The following DAB1 variants were observed in gnomAD, a reference collection of about 807,000 sequenced individuals.
The protein encoded by DAB1 is disabled homolog 1.
DAB1 carries 15 observed loss-of-function variants against 64.6 expected under a neutral mutation model. The observed-to-expected ratio is 0.23, with a 90% confidence interval of 0.16 to 0.36. The LOEUF (loss-of-function observed/expected upper bound fraction) is 0.36, where lower values mean the gene tolerates loss of function less well. Ranked by LOEUF, DAB1 falls within the 10% of genes least tolerant of loss-of-function variation. DAB1 has a pLI of 1.00. For missense variants in DAB1, 596 were observed against 706.7 expected (o/e 0.84, Z 1.78); for synonymous variants, 235 against 251.9 (o/e 0.93, Z 0.64).
chr1:58,067,610 A>T (rs930584233), intron 5 of DAB1, among the ~76,000 whole-genome samples: 1 of 152,256 alleles, frequency 6.6e-6, no homozygotes, highest in Admixed American at 6.5e-5. Context: ...GAGTGAAGTA[A>T]CTGGTATCTA....
At chr1:57,832,668 T>C (rs1652640060) in intron 1 of DAB1, among the ~76,000 whole-genome samples, 1 of 152,206 alleles carries the variant, frequency 6.6e-6, no homozygotes, top group Admixed American at 6.5e-5. Flanking sequence ...GAAATGCAGA[T>C]GTGCAGTCAA....
At chr1:58,546,389 C>G (rs1488357428) in intron 1 of DAB1, among the ~76,000 whole-genome samples, 1 of 152,184 alleles carries the variant, frequency 6.6e-6, no homozygotes, top group Non-Finnish European at 1.5e-5. Flanking sequence ...AGGCGGCCCA[C>G]GAAAGTACTG....
chr1:57,706,934 C>T (rs1056212671), intron 6 of DAB1, among the ~76,000 whole-genome samples: 3 of 151,850 alleles, frequency 2.0e-5, no homozygotes, highest in Non-Finnish European at 4.4e-5. Flanking sequence ...ATTAGCCGGG[C>T]GTGGTGGCAG....
intron 5 of DAB1, among the ~76,000 whole-genome samples, chr1:57,928,347 T>C (rs899736858): frequency 2.4e-4 from 36 of 152,090 alleles, no homozygotes; most frequent in African/African-American, 8.2e-4. Context: ...GGTACAGAGA[T>C]TTCCCGTATA....
intron 7 of DAB1, among the ~76,000 whole-genome samples, chr1:57,587,825 A>G (rs1467698613): frequency 6.6e-6 from 1 of 152,218 alleles, no homozygotes; most frequent in Non-Finnish European, 1.5e-5. Context: ...AAAAAGACAG[A>G]CATCAGTCAT....
intron 4 of DAB1, among the ~76,000 whole-genome samples, chr1:58,260,396 C>T (rs1661023321): frequency 6.6e-6 from 1 of 152,194 alleles, no homozygotes; most frequent in Non-Finnish European, 1.5e-5. Context: ...CTTCCATGCA[C>T]AGAGAGGCCT....
intron 2 of DAB1, 41 bp downstream of exon 2, chr1:57,290,923 C>A: frequency 1.5e-6 from 2 of 1,320,338 alleles, no homozygotes; most frequent in Admixed American, 1.8e-5. Flanking sequence ...CATTCCTGTG[C>A]AGAAAAGTAG....
At position 57,621,197 on chromosome 1, in the gene DAB1, G is replaced by T. The variant is rs979101682; in HGVS notation, n.625+28395C>A. 2.0e-5 allele frequency among the ~76,000 whole-genome samples: 3 copies of T among 151,742 alleles called. No homozygotes were observed. The South Asian group carries it at 6.3e-4, about 32-fold the overall frequency. ...AGTGTGTGTGTGTGTATGTGTGTGTGCACATGCACGTGTGTGAGAGAATTC... is the reference window on the plus strand; with the variant it reads ...AGTGTGTGTGTGTGTATGTGTGTGTTCACATGCACGTGTGTGAGAGAATTC... On this transcript the variant is annotated intron_variant and non_coding_transcript_variant, in intron 7 of 20. Transcript: ENST00000485760.
intron 1 of DAB1, among the ~76,000 whole-genome samples, chr1:58,535,011 AT>A (rs2100484227): frequency 6.6e-6 from 1 of 152,294 alleles, no homozygotes; most frequent in Non-Finnish European, 1.5e-5. Flanking sequence ...AGAAAATTAA[AT>A]TCACAATGCA....
At chr1:58,081,771 T>C (rs1192994828) in intron 5 of DAB1, among the ~76,000 whole-genome samples, 1 of 152,232 alleles carries the variant, frequency 6.6e-6, no homozygotes, top group African/African-American at 2.4e-5. Flanking sequence ...CTCTACATTT[T>C]TGAGCCTTAG....
intron 9 of DAB1, among the ~76,000 whole-genome samples, chr1:57,060,946 T>A (rs756989517): frequency 6.6e-6 from 1 of 151,872 alleles, no homozygotes; most frequent in South Asian, 2.1e-4. Flanking sequence ...TCCTTACGTA[T>A]CTAAACCTGT....
chr1:58,274,986 G>A (rs1284317077), intron 4 of DAB1, among the ~76,000 whole-genome samples: 1 of 152,110 alleles, frequency 6.6e-6, no homozygotes, highest in Non-Finnish European at 1.5e-5. Context: ...CACGCTGGGA[G>A]CTGTAGACCG....
intron 7 of DAB1, among the ~76,000 whole-genome samples, chr1:57,627,596 A>C (rs1172431457): frequency 6.6e-6 from 1 of 152,230 alleles, no homozygotes; most frequent in African/African-American, 2.4e-5. Context: ...TTAAACCACT[A>C]TGTCATCAGA....
intron 7 of DAB1, among the ~76,000 whole-genome samples, chr1:57,431,327 A>C (rs562235328): frequency 1.8e-4 from 28 of 151,892 alleles, no homozygotes; most frequent in Non-Finnish European, 2.8e-4. Flanking sequence ...TCCACTTAAA[A>C]ACACACACAC....
At chr1:58,361,863 CTTTTT>C (rs34029239) in intron 3 of DAB1, among the ~76,000 whole-genome samples, 1,557 of 83,996 alleles carry the variant, frequency 0.019, 12 homozygotes, top group Admixed American at 0.034. Flanking sequence ...AAAGATCCCC[CTTTTT>C]TTTTTTTTTT....
intron 7 of DAB1, among the ~76,000 whole-genome samples, chr1:57,545,382 G>T (rs1212191689): frequency 6.6e-6 from 1 of 152,186 alleles, no homozygotes; most frequent in African/African-American, 2.4e-5. Flanking sequence ...AATCAGGGCA[G>T]TAGGCTTTGT....
intron 3 of DAB1, among the ~76,000 whole-genome samples, chr1:58,486,390 C>T (rs975390671): frequency 3.9e-5 from 6 of 152,140 alleles, no homozygotes; most frequent in African/African-American, 1.2e-4. Flanking sequence ...CTATTTCCTG[C>T]GACCATCTTT....
chr1:58,532,681 C>A (rs887742152), intron 1 of DAB1, among the ~76,000 whole-genome samples: 1 of 152,060 alleles, frequency 6.6e-6, no homozygotes, highest in Non-Finnish European at 1.5e-5. Flanking sequence ...GTGTGAGCCA[C>A]CATGCTCAGC....
Position 57,526,125 on chromosome 1 carries a change from A to G in DAB1, n.625+123467T>C, listed in dbSNP as rs554812142. Reference sequence around the variant, plus strand: ...GCTAATTTTTGTATTTTCAGTAGAGACGGGGTTTCACCATGTTGGCCAGGC... The same window carrying G: ...GCTAATTTTTGTATTTTCAGTAGAGGCGGGGTTTCACCATGTTGGCCAGGC... On this transcript the variant is annotated intron_variant and non_coding_transcript_variant, in intron 7 of 20. Coordinates refer to the DAB1 transcript ENST00000485760. Among the ~76,000 whole-genome samples, 6 of 152,070 alleles carry G rather than the reference A, an allele frequency of 3.9e-5. No homozygotes were observed. The East Asian group carries it at 1.2e-3, about 29-fold the overall frequency.
Sources: gnomAD v4.1 joint callset for allele counts (sites outside exome capture counted in the v4.1 genomes callset) on GRCh38, gnomAD v4.1.1 for gene constraint, MANE v1.5 for transcripts, NCBI Gene and HGNC (gene_info 2026-07-23, HGNC 2026-07-21) for gene names.